Variants in STK33 observed in about 807,000 individuals in gnomAD.
The protein encoded by STK33 is serine/threonine-protein kinase 33.
In STK33, 52 loss-of-function variants were observed where a neutral mutation model predicts 58.0. The ratio of observed to expected loss-of-function variants is 0.90; its 90% confidence interval spans 0.72 to 1.13. STK33 has a LOEUF of 1.13. Among genes scored for constraint, STK33 ranks in the 50% most tolerant of loss-of-function variants. The probability of loss-of-function intolerance (pLI) is 0.00; values close to 1 mark genes in which losing one functional copy is unlikely to be tolerated. For synonymous variants in STK33, 215 were observed against 200.1 expected, an observed-to-expected ratio of 1.07 and a Z score of -0.63; for missense variants, 630 against 604.2, an observed-to-expected ratio of 1.04 and a Z score of -0.45.
intron 14 of STK33, among the ~76,000 whole-genome samples, chr11:8,430,847 T>C (rs190356661): frequency 3.1e-4 from 47 of 151,170 alleles, no homozygotes; most frequent in African/African-American, 1.1e-3. Context: ...TCCTGGCTCA[T>C]GAGCTTTTCC....
rs577527482 is a variant in STK33, at chr11:8,405,752, T to G, written c.1344+7743A>C. Among the ~76,000 whole-genome samples the G allele has an allele frequency of 1.1e-4, 16 of 152,244 alleles. No homozygotes were observed. In the South Asian group the frequency reaches 3.1e-3, roughly 30 times the overall value. ...TACAGTTTTAGCTAGGGGGTCAAAT[T>G]TCATCTTCCCTCATATATATCTACT... On this transcript the variant is annotated intron_variant, in intron 15 of 15. Transcript: ENST00000687296.
chr11:8,523,687 C>T (rs1953746651), intron 1 of STK33, among the ~76,000 whole-genome samples: 1 of 146,298 alleles, frequency 6.8e-6, no homozygotes, highest in African/African-American at 2.5e-5. Flanking sequence ...AGGCAGCCGC[C>T]ACTTCCGGGA....
chr11:8,498,351 A>C (rs531427860), intron 1 of STK33, among the ~76,000 whole-genome samples: 12 of 152,196 alleles, frequency 7.9e-5, no homozygotes, highest in Non-Finnish European at 1.2e-4. Context: ...TGCTACAAAG[A>C]GAATAAAATA....
chr11:8,379,319 C>T, the STK33 span, among the ~76,000 whole-genome samples: 298 of 152,258 alleles, frequency 2.0e-3, 2 homozygotes, highest in African/African-American at 7.0e-3. Flanking sequence ...TAAAAGGCTT[C>T]TGCACAGCAG....
the STK33 span, among the ~76,000 whole-genome samples, chr11:8,364,715 C>G: frequency 1.3e-5 from 2 of 152,138 alleles, no homozygotes; most frequent in Non-Finnish European, 2.9e-5. Flanking sequence ...TGTCTATGTA[C>G]GTAGTTTGTT....
chr11:8,392,428 T>C lies in STK33; in HGVS notation c.*82A>G, dbSNP rs112125444. On this transcript the variant is annotated 3_prime_UTR_variant, in exon 16 of 16. Coordinates refer to ENST00000687296, the MANE Select transcript of STK33 (RefSeq NM_001352389.2). ...AAAGGCTACAAGCTCAGCATAGGGC[T>C]GTCTTCTTCCCCTCCTACCCCCTCA... The C allele has an allele frequency of 2.0e-6, 3 of 1,508,080 alleles. No individual in the cohort carries two copies. Among genetic ancestry groups the C allele is most frequent in the African/African-American group, 2.8e-5 (2 of 72,460 alleles). 93.4% of individuals were successfully genotyped at this position (1,508,080 alleles called of 1,614,324 possible).
At chr11:8,393,836 AC>A (rs1314574905) in intron 15 of STK33, among the ~76,000 whole-genome samples, 1 of 152,168 alleles carries the variant, frequency 6.6e-6, no homozygotes, top group Non-Finnish European at 1.5e-5. Context: ...TGAATCCATG[AC>A]TTTCCAGGGC....
chr11:8,589,292 C>T (rs959345215), intron 1 of STK33, among the ~76,000 whole-genome samples: 4 of 151,920 alleles, frequency 2.6e-5, no homozygotes, highest in African/African-American at 4.8e-5. Context: ...AATGGATACA[C>T]AAAATGTACC....
intron 1 of STK33, among the ~76,000 whole-genome samples, chr11:8,502,060 G>A (rs960295176): frequency 5.9e-5 from 7 of 118,414 alleles, no homozygotes; most frequent in African/African-American, 2.1e-4. Flanking sequence ...GTTTCTTCGT[G>A]GGGAGATGAA....
intron 1 of STK33, among the ~76,000 whole-genome samples, chr11:8,549,583 T>C (rs1956168958): frequency 6.6e-6 from 1 of 152,154 alleles, no homozygotes. Context: ...CTTTACACAT[T>C]TGTTAGAATT....
rs986271846 is a variant in STK33, at chr11:8,440,681, A to G, written c.944T>C (p.Met315Thr). 4.5e-6 allele frequency: 7 copies of G among 1,562,416 alleles called. No homozygotes were observed. Among genetic ancestry groups the G allele is most frequent in the Non-Finnish European group, 5.2e-6 (6 of 1,151,350 alleles). ...DIWSIGVVMY[M>T]LLRGEPPFLA... ...GTACATTTAGCAGGCTACTTACAAC[A>G]TGTACATTACGACGCCTATGCTCCA... is the stretch of plus-strand genomic sequence containing the variant. The change falls in exon 12 of 16, where the codon ATG becomes ACG. Residue 315 changes from methionine to threonine, a missense_variant. Coordinates refer to ENST00000687296, the MANE Select transcript of STK33 (RefSeq NM_001352389.2).
chr11:8,526,131 G>C (rs924768399), intron 1 of STK33, among the ~76,000 whole-genome samples: 3 of 152,146 alleles, frequency 2.0e-5, no homozygotes, highest in Non-Finnish European at 4.4e-5. Context: ...AGGCATGGTG[G>C]CTCACGCCTG....
downstream of STK33, among the ~76,000 whole-genome samples, chr11:8,389,651 A>G (rs1848590667): frequency 6.6e-6 from 1 of 152,238 alleles, no homozygotes; most frequent in African/African-American, 2.4e-5. Context: ...GAATTTAAAA[A>G]GCTTCATTTT....
At chr11:8,351,640 TGGCAGGCCTTCTC>T in the STK33 span, among the ~76,000 whole-genome samples, 1 of 152,248 alleles carries the variant, frequency 6.6e-6, no homozygotes, top group Admixed American at 6.5e-5. Flanking sequence ...TTCCCTGCTC[TGGCAGGCCTTCTC>T]GGGGCAGGCC....
chr11:8,521,979 A>C (rs950391686), intron 1 of STK33, among the ~76,000 whole-genome samples: 1 of 152,122 alleles, frequency 6.6e-6, no homozygotes, highest in Non-Finnish European at 1.5e-5. Context: ...AGGAAACAAC[A>C]GATACTGGAG....
chr11:8,448,181 C>G (rs1222159494), intron 11 of STK33, among the ~76,000 whole-genome samples: 2 of 152,108 alleles, frequency 1.3e-5, no homozygotes, highest in Non-Finnish European at 2.9e-5. Context: ...TAGGAAGAAT[C>G]AATATCGTGA....
chr11:8,497,572 G>C (rs1035747768), intron 1 of STK33, among the ~76,000 whole-genome samples: 1 of 152,188 alleles, frequency 6.6e-6, no homozygotes, highest in South Asian at 2.1e-4. Flanking sequence ...CTGGGCTCAA[G>C]TGATCCTCCC....
chr11:8,366,212 G>A, the STK33 span, among the ~76,000 whole-genome samples: 1 of 152,190 alleles, frequency 6.6e-6, no homozygotes, highest in Non-Finnish European at 1.5e-5. Flanking sequence ...GAGGCTTCCT[G>A]GAGAAGGCAG....
chr11:8,525,088 C>T (rs1158064773), intron 1 of STK33, among the ~76,000 whole-genome samples: 1 of 151,956 alleles, frequency 6.6e-6, no homozygotes, highest in Non-Finnish European at 1.5e-5. Context: ...AACTGTAAAG[C>T]GTTTTGAATA....
Sources: gnomAD v4.1 joint callset for allele counts (sites outside exome capture counted in the v4.1 genomes callset) on GRCh38, gnomAD v4.1.1 for gene constraint, MANE v1.5 for transcripts, NCBI Gene and HGNC (gene_info 2026-07-23, HGNC 2026-07-21) for gene names.